The following PNMA8A variants were observed in gnomAD, a reference collection of about 807,000 sequenced individuals.
PNMA8A encodes paraneoplastic antigen-like protein 8A.
In PNMA8A, 17 loss-of-function variants were observed where a neutral mutation model predicts 26.6. The observed-to-expected ratio is 0.64, with a 90% confidence interval of 0.44 to 0.96. The LOEUF (loss-of-function observed/expected upper bound fraction) is 0.96. PNMA8A is among the 40% of genes least tolerant of loss of function. The pLI, the probability that PNMA8A is intolerant of heterozygous loss-of-function variation, is 0.00. For synonymous variants in PNMA8A, 224 were observed against 182.0 expected (o/e 1.23, Z -1.86); for missense variants, 532 against 488.4 (o/e 1.09, Z -0.84).
chr19:46,469,096 A>C (rs1969746741), intron 2 of PNMA8A, among the ~76,000 whole-genome samples: 1 of 123,072 alleles, frequency 8.1e-6, no homozygotes, highest in South Asian at 2.9e-4. Flanking sequence ...TTGGCCTCCC[A>C]AATCATTAAA....
rs1019965093 is a variant in PNMA8A at position 46,468,594 on chromosome 19, G to GC, written c.1304-18_1304-17insG. On this transcript the variant is annotated splice_polypyrimidine_tract_variant and intron_variant, in intron 2 of 2. Transcript: ENST00000313683. ...TTCTGGATTCTGCAAATAAATGAGAGAACAGATCAAGAAGGGAAGCAGAGA... is the reference window on the plus strand; with the variant it reads ...TTCTGGATTCTGCAAATAAATGAGAGCAACAGATCAAGAAGGGAAGCAGAGA... The GC allele has an allele frequency of 6.2e-7, 1 of 1,608,090 alleles. No individual in the cohort carries two copies. The highest frequency in any genetic ancestry group is 8.5e-7 in the Non-Finnish European group (1 of 1,174,734).
chr19:46,469,163 C>T (rs1275729472), intron 2 of PNMA8A, among the ~76,000 whole-genome samples: 1 of 144,718 alleles, frequency 6.9e-6, no homozygotes, highest in East Asian at 2.0e-4. Flanking sequence ...GGCTGGAGGG[C>T]AGTGGCACAA....
In PNMA8A at chr19:46,469,788, T is replaced by C. The variant is rs770063579; in HGVS notation, c.1248A>G (p.Ser416=). 1.2e-6 allele frequency: 2 copies of C among 1,614,178 alleles called. No homozygotes were observed. Among genetic ancestry groups the C allele is most frequent in the South Asian group, 2.2e-5 (2 of 91,084 alleles). Residue 416 remains serine (S), a synonymous_variant, in exon 2 of 3, where the codon TCA becomes TCG. Coordinates refer to ENST00000313683, the MANE Select transcript of PNMA8A (RefSeq NM_018215.4). ...GCTTGGCCTTCGGACCCCTAGAGGTTGAGGCTGTTGCCTCGGCAGGCTGCT... is the reference window on the plus strand; with the variant it reads ...GCTTGGCCTTCGGACCCCTAGAGGTCGAGGCTGTTGCCTCGGCAGGCTGCT... ...RGQQPAEATA[S]TSRGPKAKPE...
Position 46,469,802 on chromosome 19 carries a change from C to T in PNMA8A, c.1234G>A (p.Glu412Lys), listed in dbSNP as rs547519581. 5.7e-5 allele frequency: 92 copies of T among 1,614,194 alleles called. No individual in the cohort carries two copies. In the Admixed American group the frequency reaches 8.0e-4, roughly 14 times the overall value. The change falls in exon 2 of 3, where the codon GAG becomes AAG. Residue 412 changes from glutamate to lysine, a missense_variant. Coordinates refer to ENST00000313683, the MANE Select transcript of PNMA8A (RefSeq NM_018215.4). Reference protein sequence around the residue: ...QKAPRGQQPAEATASTSRGPK... With the variant: ...QKAPRGQQPAKATASTSRGPK... ...CCCCTAGAGGTTGAGGCTGTTGCCTCGGCAGGCTGCTGGCCCCGAGGGGCC... is the reference window on the plus strand; with the variant it reads ...CCCCTAGAGGTTGAGGCTGTTGCCTTGGCAGGCTGCTGGCCCCGAGGGGCC...
intron 2 of PNMA8A, among the ~76,000 whole-genome samples, chr19:46,468,919 G>C (rs935972480): frequency 8.6e-5 from 13 of 151,972 alleles, no homozygotes; most frequent in African/African-American, 2.7e-4. Context: ...GAGACATCTG[G>C]TGGGCAGATG....
Position 46,470,351 on chromosome 19 carries a change from T to TG in PNMA8A, c.684dup (p.Lys229GlnfsTer10), listed in dbSNP as rs1969770351. ...GCTCCAGCCCTGCGAACCAAAGGTT[T>TG]GGTAGGCTCATGCTGGTCTTCCGTG... On this transcript the variant is annotated frameshift_variant, in exon 2 of 3. Transcript: ENST00000313683. LOFTEE classifies it high-confidence loss of function. 1.2e-6 allele frequency: 2 copies of TG among 1,613,950 alleles called. No homozygotes were observed. Among genetic ancestry groups the TG allele is most frequent in the South Asian group, 2.2e-5 (2 of 91,090 alleles).
rs371658613 is a variant in PNMA8A at position 46,469,753 on chromosome 19, G to C, written c.1283C>G (p.Ser428Cys). The change falls in exon 2 of 3, where the codon TCT (serine) becomes TGT (cysteine). Residue 428 changes from serine to cysteine, a missense_variant. Coordinates refer to ENST00000313683, the MANE Select transcript of PNMA8A (RefSeq NM_018215.4). ...CTCACCATTGGTGGCACGCCGAGGA[G>C]AGCCTTCTGGCTTGGCCTTCGGACC... ...SRGPKAKPEG[S>C]PRRATNESRK... The C allele has an allele frequency of 9.3e-6, 15 of 1,608,708 alleles. No homozygotes were observed. In the African/African-American group the frequency reaches 2.0e-4, roughly 22 times the overall value.
chr19:46,469,161 G>A (rs1969748140), intron 2 of PNMA8A, among the ~76,000 whole-genome samples: 1 of 147,998 alleles, frequency 6.8e-6, no homozygotes. Context: ...CAGGCTGGAG[G>A]GCAGTGGCAC....
intron 1 of PNMA8A, 38 bp downstream of exon 1, chr19:46,471,299 C>G (rs1969790324): frequency 6.5e-6 from 2 of 309,506 alleles, no homozygotes; most frequent in Non-Finnish European, 1.2e-5. Context: ...AGGACCCTCC[C>G]CCGGGCCTGA....
chr19:46,471,491 C>G lies in PNMA8A; in HGVS notation c.-234G>C, dbSNP rs3760833. 0.24 allele frequency: 37,265 copies of G among 153,892 alleles called. 4,737 individuals carry two copies. Among genetic ancestry groups the G allele is most frequent in the African/African-American group, 0.28 (11,749 of 41,576 alleles). The allele number at this position is 153,892 out of a possible 1,614,324, so 9.5% of individuals were successfully genotyped here. ...CGCCCCCGCTCCGGCCCAGGCGGGT[C>G]ACGGGGCGTCCAGACTCGATGCCGT... is the stretch of plus-strand genomic sequence containing the variant. On this transcript the variant is annotated 5_prime_UTR_variant, in exon 1 of 3. Coordinates refer to ENST00000313683, the MANE Select transcript of PNMA8A (RefSeq NM_018215.4).
At position 46,470,331 on chromosome 19, in the gene PNMA8A, A is replaced by T. The variant is rs1969769934; in HGVS notation, c.705T>A (p.Ala235=). The part of the protein sequence containing the change: ...HEPTKPLVRR[A]GAKSRSRRKK... ...TTCTCCTGGAGCGAGACTTAGCTCC[A>T]GCCCTGCGAACCAAAGGTTTGGTAG... is the stretch of plus-strand genomic sequence containing the variant. The change falls in exon 2 of 3, where the codon GCT becomes GCA. Residue 235 remains alanine, a synonymous_variant. Coordinates refer to ENST00000313683, the MANE Select transcript of PNMA8A (RefSeq NM_018215.4). 1.2e-6 allele frequency: 2 copies of T among 1,613,986 alleles called. No individual in the cohort carries two copies. The highest frequency in any genetic ancestry group is 4.5e-5 in the East Asian group (2 of 44,874).
Position 46,470,686 on chromosome 19 carries a change from T to C in PNMA8A, c.350A>G (p.Glu117Gly), listed in dbSNP as rs755475777. The change falls in exon 2 of 3, where the codon GAG (glutamate) becomes GGG (glycine). Residue 117 changes from glutamate to glycine, a missense_variant. Glu to Gly is a moderately conservative substitution (Grantham distance 98, BLOSUM62 -2). Coordinates refer to ENST00000313683, the MANE Select transcript of PNMA8A (RefSeq NM_018215.4). ...LKNLNEFLDA[E>G]GRTWEDVVRL... The stretch of plus-strand genomic sequence containing the variant: ...GACCACATCCTCCCAGGTGCGCCCC[T>C]CGGCATCCAGGAATTCATTCAGATT... The C allele has an allele frequency of 4.0e-5, 48 of 1,198,724 alleles. No individual in the cohort carries two copies. The South Asian group carries it at 5.7e-4, about 14-fold the overall frequency. The allele number at this position is 1,198,724 out of a possible 1,614,324, so 74.3% of individuals were successfully genotyped here. A position where few individuals can be genotyped will look rare whatever the true frequency, so the allele number is the denominator to read the frequency against.
rs146369483 is a variant in PNMA8A at position 46,468,130 on chromosome 19, T to C, written c.*431A>G. 298 of 170,678 alleles carry C rather than the reference T, an allele frequency of 1.7e-3. 2 individuals are homozygous for C. The highest frequency in any genetic ancestry group is 6.8e-3 in the African/African-American group (286 of 42,358). 10.6% of individuals were successfully genotyped at this position (170,678 alleles called of 1,614,324 possible). A position where few individuals can be genotyped will look rare whatever the true frequency, so the allele number is the denominator to read the frequency against. On this transcript the variant is annotated 3_prime_UTR_variant, in exon 3 of 3. Transcript: ENST00000313683. ...CGAGAGGAAGGCGGGAGGAAGAATATGGCAGGGCCACCCAGCTCTTCCAAA... is the reference window on the plus strand; with the variant it reads ...CGAGAGGAAGGCGGGAGGAAGAATACGGCAGGGCCACCCAGCTCTTCCAAA...
At chr19:46,468,825 G>C (rs1377923671) in intron 2 of PNMA8A, among the ~76,000 whole-genome samples, 2 of 152,096 alleles carry the variant, frequency 1.3e-5, no homozygotes, top group African/African-American at 4.8e-5. Context: ...GTGTGATCTT[G>C]GCTCCCTGCA....
Position 46,469,955 on chromosome 19 carries a change from T to TG in PNMA8A, c.1080dup (p.Met361HisfsTer18). Reference sequence around the variant, plus strand: ...AAGCTCACCTTCTTCTTCTTCCTCATGGGAGCGGGGTTCTTGGCAGACACC... The same window carrying TG: ...AAGCTCACCTTCTTCTTCTTCCTCATGGGGAGCGGGGTTCTTGGCAGACACC... On this transcript the variant is annotated frameshift_variant, in exon 2 of 3. Coordinates refer to ENST00000313683, the MANE Select transcript of PNMA8A (RefSeq NM_018215.4). LOFTEE classifies it high-confidence loss of function. 3.7e-6 allele frequency: 6 copies of TG among 1,613,944 alleles called. No homozygotes were observed. The highest frequency in any genetic ancestry group is 5.1e-6 in the Non-Finnish European group (6 of 1,179,934).
Position 46,467,179 on chromosome 19 carries a change from G to A in PNMA8A, c.*1382C>T, listed in dbSNP as rs1376797058. The A allele has an allele frequency of 6.6e-6, 1 of 152,268 alleles. No individual in the cohort carries two copies. The highest frequency in any genetic ancestry group is 2.1e-4 in the South Asian group (1 of 4,828). The allele number at this position is 152,268 out of a possible 1,614,324, so 9.4% of individuals were successfully genotyped here. On this transcript the variant is annotated 3_prime_UTR_variant, in exon 3 of 3. Transcript: ENST00000313683. ...ACAAGGTAATATTCTGATAGTCTTC[G>A]ATGTGACTTCCAACATATCTGAGTA...
rs903842820 is a variant in PNMA8A, at chr19:46,467,869, C to T, written c.*692G>A. The T allele has an allele frequency of 6.6e-6, 1 of 152,242 alleles. No individual in the cohort carries two copies. Among genetic ancestry groups the T allele is most frequent in the Non-Finnish European group, 1.5e-5 (1 of 68,100 alleles). 9.4% of individuals were successfully genotyped at this position (152,242 alleles called of 1,614,324 possible). On this transcript the variant is annotated 3_prime_UTR_variant, in exon 3 of 3. Coordinates refer to ENST00000313683, the MANE Select transcript of PNMA8A (RefSeq NM_018215.4). Reference sequence around the variant, plus strand: ...GCCTGCGTCCTTCCCTATAATCACCCCCCTTCCCCACAGGATTCCTGAGAG... The same window carrying T: ...GCCTGCGTCCTTCCCTATAATCACCTCCCTTCCCCACAGGATTCCTGAGAG...
At position 46,468,657 on chromosome 19, in the gene PNMA8A, T is replaced by TG; in HGVS notation, c.1304-81dup. 3 of 1,234,372 alleles carry TG rather than the reference T, an allele frequency of 2.4e-6. No homozygotes were observed. The South Asian group carries it at 3.6e-5, about 15-fold the overall frequency. 76.5% of individuals were successfully genotyped at this position (1,234,372 alleles called of 1,614,324 possible). On this transcript the variant is annotated intron_variant, in intron 2 of 2. Transcript: ENST00000313683. ...AAATGCATTACTTCCAAGAAATTTC[T>TG]GGGTCCCTGAACATTTCTATTCCCC...
At chr19:46,469,571 T>C (rs1045455215) in intron 2 of PNMA8A, among the ~76,000 whole-genome samples, 162 bp downstream of exon 2, 1 of 152,074 alleles carries the variant, frequency 6.6e-6, no homozygotes, top group Non-Finnish European at 1.5e-5. Flanking sequence ...CTTACCCTCC[T>C]CAACTGGTGT....
Sources: gnomAD v4.1 joint callset for allele counts (sites outside exome capture counted in the v4.1 genomes callset) on GRCh38, gnomAD v4.1.1 for gene constraint, MANE v1.5 for transcripts, NCBI Gene and HGNC (gene_info 2026-07-23, HGNC 2026-07-21) for gene names.